Variants in BTBD16 observed in about 807,000 individuals in gnomAD.
BTBD16 encodes BTB domain containing 16.
Under a neutral mutation model 67.4 loss-of-function variants are expected in BTBD16, and 66 were observed. The observed-to-expected ratio is 0.98, with a 90% CI of 0.80 to 1.20. The LOEUF is 1.20. Among genes scored for constraint, BTBD16 ranks in the 50% most tolerant of loss-of-function variants. The pLI is 0.00. For synonymous variants in BTBD16, 242 were observed against 236.4 expected, an observed-to-expected ratio of 1.02 and a Z score of -0.22; for missense variants, 634 against 616.0, an observed-to-expected ratio of 1.03 and a Z score of -0.31.
chr10:122,277,043 G>A, intron 3 of BTBD16, 104 bp downstream of exon 3: 1 of 1,349,518 alleles, frequency 7.4e-7, no homozygotes. Context: ...GCTGTCAAGG[G>A]CACATCTGCA....
At chr10:122,287,316 A>T (rs1453399821) in intron 5 of BTBD16, 1 of 570,462 alleles carries the variant, frequency 1.8e-6, no homozygotes, top group African/African-American at 2.0e-5. Context: ...CTGGTGAGCC[A>T]GACAGTGAGT....
At chr10:122,285,973 C>T (rs2181161) in intron 4 of BTBD16, 132 bp from the exon 5 acceptor site, 118,623 of 882,882 alleles carry the variant, frequency 0.13, 9,217 homozygotes, top group East Asian at 0.3. Context: ...TCTGAGATGC[C>T]TGGGGAGGCT....
chr10:122,320,119 A>C (rs1414012225), intron 10 of BTBD16, among the ~76,000 whole-genome samples: 1 of 152,102 alleles, frequency 6.6e-6, no homozygotes, highest in East Asian at 1.9e-4. Context: ...TTAGGAATCT[A>C]CATAGGCAAT....
chr10:122,275,090 G>A lies in BTBD16; in HGVS notation c.9G>A (p.Met3Ile). 1 of 1,613,920 alleles carries A rather than the reference G, an allele frequency of 6.2e-7. No homozygotes were observed. The highest frequency in any genetic ancestry group is 8.5e-7 in the Non-Finnish European group (1 of 1,179,874). Residue 3 changes from methionine (M) to isoleucine (I), a missense_variant, in exon 2 of 16, where the codon ATG becomes ATA. By Grantham distance (10) the Met-to-Ile change is conservative. Coordinates refer to ENST00000260723, the MANE Select transcript of BTBD16 (RefSeq NM_144587.5). Reference protein sequence around the residue: MIMSNTHKARLER... With the variant: MIISNTHKARLER... ...AATTTCCACTTTCATTCATGATAAT[G>A]TCGAACACGGTGAGTAGATCAGTTT... is the stretch of plus-strand genomic sequence containing the variant.
chr10:122,285,261 T>C (rs569279069), intron 4 of BTBD16, among the ~76,000 whole-genome samples: 1 of 152,250 alleles, frequency 6.6e-6, no homozygotes, highest in African/African-American at 2.4e-5. Context: ...CAGAGTCCTC[T>C]CCCCATGGCC....
intron 13 of BTBD16, chr10:122,332,923 G>A (rs1459390708): frequency 2.0e-6 from 2 of 985,212 alleles, no homozygotes; most frequent in East Asian, 1.1e-4. Context: ...TTATAGGGGT[G>A]AACTCAGTCT....
chr10:122,308,509 A>G (rs781717416), intron 10 of BTBD16, among the ~76,000 whole-genome samples: 3 of 152,148 alleles, frequency 2.0e-5, no homozygotes, highest in Non-Finnish European at 2.9e-5. Context: ...GCCCCGACCT[A>G]AGCAGTGATG....
intron 8 of BTBD16, 32 bp downstream of exon 8, chr10:122,297,869 C>CT (rs1564979452): frequency 6.2e-7 from 1 of 1,607,578 alleles, no homozygotes; most frequent in Non-Finnish European, 8.5e-7. Context: ...CACATCGCCC[C>CT]TTGGGGGGGC....
At chr10:122,301,139 C>T (rs1460799533) in intron 9 of BTBD16, among the ~76,000 whole-genome samples, 4 of 152,042 alleles carry the variant, frequency 2.6e-5, no homozygotes, top group Non-Finnish European at 5.9e-5. Context: ...CACTCCCCAG[C>T]GGAGCAAAGG....
At position 122,332,388 on chromosome 10, in the gene BTBD16, G is replaced by A. The variant is rs199948970; in HGVS notation, c.1087-48G>A. 220 of 1,583,640 alleles carry A rather than the reference G, an allele frequency of 1.4e-4. No homozygotes were observed. The African/African-American group carries it at 2.7e-3, about 20-fold the overall frequency. On this transcript the variant is annotated intron_variant, in intron 12 of 15. Coordinates refer to ENST00000260723, the MANE Select transcript of BTBD16 (RefSeq NM_144587.5). ...GGCATGAAGATGAAGAGAGGCGCTC[G>A]TGTCCAGAGGATCCCACCGTGGTCA...
intron 11 of BTBD16, among the ~76,000 whole-genome samples, chr10:122,330,912 G>A (rs929363444): frequency 8.5e-5 from 13 of 152,148 alleles, no homozygotes; most frequent in African/African-American, 3.1e-4. Flanking sequence ...TAGTGGTGGG[G>A]TTTCGCCATG....
At chr10:122,281,198 A>G (rs1175075369) in intron 3 of BTBD16, among the ~76,000 whole-genome samples, 1 of 152,222 alleles carries the variant, frequency 6.6e-6, no homozygotes, top group African/African-American at 2.4e-5. Context: ...CAAGGGCGAC[A>G]CCAGTTTGAG....
chr10:122,328,809 A>G (rs1040601325), intron 10 of BTBD16: 23 of 985,306 alleles, frequency 2.3e-5, no homozygotes, highest in Middle Eastern at 5.2e-4. Context: ...TGTCTTCTCA[A>G]AAAGAACTGG....
chr10:122,297,018 A>G (rs1221477099), intron 7 of BTBD16, among the ~76,000 whole-genome samples: 3 of 152,140 alleles, frequency 2.0e-5, no homozygotes, highest in African/African-American at 7.2e-5. Flanking sequence ...CTCCTCTTTC[A>G]GGTTTTAAGT....
intron 7 of BTBD16, chr10:122,295,589 G>T: frequency 1.0e-6 from 1 of 958,188 alleles, no homozygotes; most frequent in Non-Finnish European, 1.2e-6. Flanking sequence ...GAGAGGCTAT[G>T]CAGAGGCTCA....
chr10:122,325,387 A>C (rs1355950226), intron 10 of BTBD16, among the ~76,000 whole-genome samples: 1 of 152,196 alleles, frequency 6.6e-6, no homozygotes, highest in Non-Finnish European at 1.5e-5. Context: ...TGTTAGAAGA[A>C]GTCAGCCCCG....
chr10:122,319,738 T>G (rs2096432369), intron 10 of BTBD16, among the ~76,000 whole-genome samples: 1 of 152,174 alleles, frequency 6.6e-6, no homozygotes, highest in African/African-American at 2.4e-5. Flanking sequence ...AAAATCAGCT[T>G]GACAGTTTTT....
At chr10:122,275,326 C>T (rs909864667) in intron 2 of BTBD16, among the ~76,000 whole-genome samples, 4 of 152,142 alleles carry the variant, frequency 2.6e-5, no homozygotes, top group African/African-American at 4.8e-5. Flanking sequence ...ACGTGACAGC[C>T]GGACTACATC....
rs752261857 is a variant in BTBD16 at position 122,291,036 on chromosome 10, T to G, written c.476-44T>G. 8.2e-6 allele frequency: 13 copies of G among 1,576,966 alleles called. No individual in the cohort carries two copies. The Admixed American group carries it at 2.3e-4, about 28-fold the overall frequency. On this transcript the variant is annotated intron_variant, in intron 6 of 15. Transcript: ENST00000260723. ...GGAGGGCGCTGGGTGGTGTCCTGTG[T>G]GCAGAGCCCCACACAGATGGCTCGC...
Sources: allele counts gnomAD v4.1 joint callset (sites outside exome capture counted in the v4.1 genomes callset), GRCh38; gene constraint gnomAD v4.1.1; transcripts MANE v1.5; gene names NCBI Gene and HGNC (gene_info 2026-07-23, HGNC 2026-07-21).